Variants in CMIP observed in about 807,000 individuals in gnomAD.
CMIP encodes c-Maf inducing protein, also known as C-Maf-inducing protein.
In CMIP, 13 loss-of-function variants were observed where a neutral mutation model predicts 97.3. The ratio of observed to expected loss-of-function variants is 0.13; its 90% CI spans 0.09 to 0.21. CMIP has a LOEUF of 0.21. Ranked by LOEUF, CMIP falls within the 10% of genes least tolerant of loss-of-function variation. CMIP has a pLI of 1.00. For synonymous variants in CMIP, 538 were observed against 436.3 expected, an observed-to-expected ratio of 1.23 and a Z score of -2.91; for missense variants, 847 against 1,024.9, an observed-to-expected ratio of 0.83 and a Z score of 2.37.
intron 7 of CMIP, among the ~76,000 whole-genome samples, chr16:81,667,744 G>A (rs796359606): frequency 4.3e-5 from 6 of 138,386 alleles, no homozygotes; most frequent in African/African-American, 1.6e-4. Flanking sequence ...TCTAACCCAG[G>A]AGGGAGGGAG....
At chr16:81,607,545 T>A in intron 1 of CMIP, 22 bp from the exon 2 acceptor site, 1 of 1,612,574 alleles carries the variant, frequency 6.2e-7, no homozygotes, top group African/African-American at 1.3e-5. Flanking sequence ...GCATATCTCT[T>A]CTTTTTCTTT....
chr16:81,508,012 A>G (rs1210435592), intron 1 of CMIP, among the ~76,000 whole-genome samples: 2 of 152,172 alleles, frequency 1.3e-5, no homozygotes, highest in South Asian at 2.1e-4. Context: ...GGCAATGCCA[A>G]CCTATCCACC....
chr16:81,628,797 C>T (rs949397282), intron 3 of CMIP, among the ~76,000 whole-genome samples: 3 of 152,082 alleles, frequency 2.0e-5, no homozygotes, highest in African/African-American at 7.2e-5. Context: ...CTGAGGCTTG[C>T]GTGAGAGCTT....
chr16:81,498,535 C>G (rs62046565), intron 1 of CMIP, among the ~76,000 whole-genome samples: 29,880 of 152,206 alleles, frequency 0.2, 3,565 homozygotes, highest in Admixed American at 0.31. Context: ...CTCCTCGCGC[C>G]TCACTCTGAG....
intron 9 of CMIP, among the ~76,000 whole-genome samples, chr16:81,673,503 G>GAGAC (rs1411158839): frequency 1.3e-5 from 2 of 149,940 alleles, no homozygotes; most frequent in Non-Finnish European, 3.0e-5. Flanking sequence ...GCAACAGAGT[G>GAGAC]AGACTCCTTC....
At chr16:81,615,235 A>C (rs2091896436) in intron 2 of CMIP, among the ~76,000 whole-genome samples, 1 of 99,532 alleles carries the variant, frequency 1.0e-5, no homozygotes, top group Admixed American at 1.0e-4. Flanking sequence ...TGTATGGTGT[A>C]TGTGTGTCTG....
chr16:81,686,188 T>G (rs1033837531), intron 10 of CMIP, among the ~76,000 whole-genome samples: 1 of 152,214 alleles, frequency 6.6e-6, no homozygotes, highest in African/African-American at 2.4e-5. Context: ...GTCAACTGCA[T>G]TTCCATTTTC....
intron 1 of CMIP, among the ~76,000 whole-genome samples, chr16:81,547,171 G>T (rs948840476): frequency 6.6e-6 from 1 of 152,218 alleles, no homozygotes; most frequent in African/African-American, 2.4e-5. Flanking sequence ...GGGCAGAGGA[G>T]GAGAGGGATA....
At position 81,566,904 on chromosome 16, in the gene CMIP, G is replaced by A. The variant is rs139039391; in HGVS notation, c.301-40663G>A. On this transcript the variant is annotated intron_variant, in intron 1 of 20. Coordinates refer to ENST00000537098, the MANE Select transcript of CMIP (RefSeq NM_198390.3). The stretch of plus-strand genomic sequence containing the variant: ...AATGAGTACATAGTGTATTATTCCA[G>A]TTATAGGAAGTTCAAGGTCAGACAA... 6.6e-5 allele frequency among the ~76,000 whole-genome samples: 10 copies of A among 152,338 alleles called. No individual in the cohort carries two copies. In the East Asian group the frequency reaches 1.3e-3, roughly 21 times the overall value.
At chr16:81,497,329 C>A (rs1322223836) in intron 1 of CMIP, among the ~76,000 whole-genome samples, 1 of 152,150 alleles carries the variant, frequency 6.6e-6, no homozygotes, top group African/African-American at 2.4e-5. Context: ...ACCAATAACC[C>A]CTCATGGATG....
Position 81,578,811 on chromosome 16 carries a change from A to G in CMIP, c.301-28756A>G, listed in dbSNP as rs2091246335. Among the ~76,000 whole-genome samples the G allele has an allele frequency of 2.0e-5, 3 of 152,222 alleles. No individual in the cohort carries two copies. The South Asian group carries it at 6.2e-4, about 32-fold the overall frequency. On this transcript the variant is annotated intron_variant, in intron 1 of 20. Coordinates refer to ENST00000537098, the MANE Select transcript of CMIP (RefSeq NM_198390.3). ...ACTGGCGTCGGAAAAGTTCCATGGCAGATAAGCCCGTGCCATTGCAGGGAA... is the reference window on the plus strand; with the variant it reads ...ACTGGCGTCGGAAAAGTTCCATGGCGGATAAGCCCGTGCCATTGCAGGGAA...
chr16:81,524,212 A>T (rs1224672434), intron 1 of CMIP, among the ~76,000 whole-genome samples: 1 of 152,226 alleles, frequency 6.6e-6, no homozygotes, highest in African/African-American at 2.4e-5. Context: ...TATTGGGGTC[A>T]GACAGAGCTG....
At chr16:81,474,458 G>A (rs918827117) in intron 1 of CMIP, among the ~76,000 whole-genome samples, 3 of 152,120 alleles carry the variant, frequency 2.0e-5, no homozygotes, top group Admixed American at 6.5e-5. Context: ...TAGGCACGTC[G>A]CACACTACTT....
intron 10 of CMIP, among the ~76,000 whole-genome samples, chr16:81,689,316 C>T (rs1199139276): frequency 6.6e-6 from 1 of 152,174 alleles, no homozygotes; most frequent in South Asian, 2.1e-4. Flanking sequence ...CTCTCCAGCA[C>T]CTGTTGTTTC....
Position 81,461,633 on chromosome 16 carries a change from A to ATT in CMIP, c.300+16098_300+16099dup, listed in dbSNP as rs34602266. On this transcript the variant is annotated intron_variant, in intron 1 of 20. Coordinates refer to ENST00000537098, the MANE Select transcript of CMIP (RefSeq NM_198390.3). ...AATGACCCTCAAGGGAGCCAGTGGG[A>ATT]TTTTTTTGAAGCCTTCTCCACACCA... Among the ~76,000 whole-genome samples the ATT allele has an allele frequency of 3.9e-3, 590 of 152,284 alleles. 2 individuals carry two copies. The highest frequency in any genetic ancestry group is 0.012 in the African/African-American group (494 of 41,572).
chr16:81,647,875 T>C (rs1308743895), intron 3 of CMIP, among the ~76,000 whole-genome samples: 1 of 150,216 alleles, frequency 6.7e-6, no homozygotes, highest in African/African-American at 2.5e-5. Context: ...AACAGGGGCC[T>C]GCCTGCAGCC....
chr16:81,662,464 G>A (rs779646288), intron 6 of CMIP, among the ~76,000 whole-genome samples: 20 of 152,152 alleles, frequency 1.3e-4, no homozygotes, highest in Non-Finnish European at 2.4e-4. Flanking sequence ...AAAGAGGGCC[G>A]TCTGCCTTTT....
chr16:81,496,745 C>A (rs921498052), intron 1 of CMIP, among the ~76,000 whole-genome samples: 1 of 152,236 alleles, frequency 6.6e-6, no homozygotes, highest in African/African-American at 2.4e-5. Flanking sequence ...GGACCCTGGA[C>A]CCCTGGGAAC....
At chr16:81,706,910 CA>C in intron 19 of CMIP, 103 bp from the exon 20 acceptor site, 1 of 923,872 alleles carries the variant, frequency 1.1e-6, no homozygotes, top group Non-Finnish European at 1.7e-6. Flanking sequence ...CATCTCCTAA[CA>C]GGGGGCCTGG....
Sources: gnomAD v4.1 joint callset for allele counts (sites outside exome capture counted in the v4.1 genomes callset) on GRCh38, gnomAD v4.1.1 for gene constraint, MANE v1.5 for transcripts, NCBI Gene and HGNC (gene_info 2026-07-23, HGNC 2026-07-21) for gene names.